The following FH variants were observed in gnomAD, a reference collection of about 807,000 sequenced individuals.
The protein encoded by FH is fumarate hydratase, mitochondrial.
In FH, 22 loss-of-function variants were observed where a neutral mutation model predicts 49.4. The ratio of observed to expected loss-of-function variants is 0.45; its 90% CI spans 0.32 to 0.64. FH has a LOEUF of 0.64. Ranked by LOEUF, FH falls within the 30% of genes least tolerant of loss-of-function variation. The probability of loss-of-function intolerance (pLI) is 0.05; values close to 1 mark genes in which losing one functional copy is unlikely to be tolerated. For missense variants in FH, 526 were observed against 641.5 expected (o/e 0.82, Z 1.95); for synonymous variants, 208 against 223.0 (o/e 0.93, Z 0.60).
intron 7 of FH, among the ~76,000 whole-genome samples, chr1:241,502,998 T>A (rs894258453): frequency 6.6e-5 from 10 of 152,134 alleles, no homozygotes; most frequent in African/African-American, 2.4e-4. Context: ...CACTAACACA[T>A]GGGAGGCTTC....
At chr1:241,513,494 C>T in intron 3 of FH, 109 bp downstream of exon 3, 1 of 874,832 alleles carries the variant, frequency 1.1e-6, no homozygotes, top group Non-Finnish European at 2.0e-6. Context: ...CCCTGAAATT[C>T]ATTAATTCAA....
chr1:241,508,527 A>T, intron 5 of FH, 76 bp downstream of exon 5: 2 of 1,328,404 alleles, frequency 1.5e-6, no homozygotes, highest in Non-Finnish European at 2.2e-6. Flanking sequence ...CTTTTAAGCT[A>T]GTCAGATTTC....
At chr1:241,506,411 GT>G (rs1659931695) in intron 5 of FH, among the ~76,000 whole-genome samples, 1 of 152,096 alleles carries the variant, frequency 6.6e-6, no homozygotes. Flanking sequence ...TTATAATCTA[GT>G]CTTTTAATAG....
intron 4 of FH, among the ~76,000 whole-genome samples, chr1:241,509,196 T>A (rs1473461229): frequency 6.6e-6 from 1 of 151,690 alleles, no homozygotes; most frequent in Admixed American, 6.6e-5. Context: ...TAGTTGAATA[T>A]CTTATAATTA....
rs539449056 is a variant in FH at position 241,503,946 on chromosome 1, G to A, written c.1108+96C>T. On this transcript the variant is annotated intron_variant, in intron 7 of 9. Coordinates refer to ENST00000366560, the MANE Select transcript of FH (RefSeq NM_000143.4). ...CAGTGCGCCTTGCGCATCCAGCTGC[G>A]GGATAACTTTAAACAAAGAGAGACA... 1.8e-5 allele frequency: 24 copies of A among 1,310,700 alleles called. No individual in the cohort carries two copies. The East Asian group carries it at 3.5e-4, about 19-fold the overall frequency. 81.2% of individuals were successfully genotyped at this position (1,310,700 alleles called of 1,614,324 possible). A position where few individuals can be genotyped will look rare whatever the true frequency, so the allele number is the denominator to read the frequency against.
At chr1:241,499,809 A>G (rs771337361) in intron 9 of FH, among the ~76,000 whole-genome samples, 4 of 152,234 alleles carry the variant, frequency 2.6e-5, no homozygotes, top group African/African-American at 4.8e-5. Context: ...AGTTTATTTA[A>G]TGGAGATCTC....
rs2147915063 is a variant in FH, at chr1:241,502,585, C to T, written c.1109-15G>A. The T allele has an allele frequency of 1.2e-6, 2 of 1,613,748 alleles. No individual in the cohort carries two copies. Among genetic ancestry groups the T allele is most frequent in the Non-Finnish European group, 1.7e-6 (2 of 1,179,796 alleles). On this transcript the variant is annotated splice_polypyrimidine_tract_variant and intron_variant, in intron 7 of 9. Coordinates refer to ENST00000366560, the MANE Select transcript of FH (RefSeq NM_000143.4). ...GTTCACCTTGCCTTCAAGAAAACCA[C>T]CAATGACAGAGTAAAGACTAAATTT...
intron 1 of FH, 61 bp from the exon 2 acceptor site, chr1:241,517,377 G>A (rs764991848): frequency 1.3e-4 from 208 of 1,574,040 alleles, no homozygotes; most frequent in Non-Finnish European, 1.7e-4. Context: ...AAAAGTAATC[G>A]CATCTTATCA....
intron 1 of FH, among the ~76,000 whole-genome samples, chr1:241,518,195 T>C (rs1228128998): frequency 6.6e-6 from 1 of 152,166 alleles, no homozygotes; most frequent in Admixed American, 6.5e-5. Context: ...AACAGAGATT[T>C]TGGACCTGAG....
chr1:241,517,360 C>G (rs1394070093), intron 1 of FH, 44 bp from the exon 2 acceptor site: 1 of 1,610,718 alleles, frequency 6.2e-7, no homozygotes, highest in Non-Finnish European at 8.5e-7. Context: ...AAAAGAAACC[C>G]AGGATCAAAA....
chr1:241,510,496 GAATA>G lies in FH; in HGVS notation c.555+1467_555+1470del, dbSNP rs372286398. Reference sequence around the variant, plus strand: ...TCCATACTGATATACCCAAATAACTGAATAAATAAATAAATGGGACAGAGAGAAC... The same window carrying G: ...TCCATACTGATATACCCAAATAACTGAATAAATAAATGGGACAGAGAGAAC... On this transcript the variant is annotated intron_variant, in intron 4 of 9. Coordinates refer to ENST00000366560, the MANE Select transcript of FH (RefSeq NM_000143.4). 3.0e-3 allele frequency among the ~76,000 whole-genome samples: 454 copies of G among 152,086 alleles called. 1 individual carries two copies. Among genetic ancestry groups the G allele is most frequent in the Non-Finnish European group, 5.7e-3 (386 of 67,968 alleles).
chr1:241,508,767 G>T lies in FH; in HGVS notation c.574C>A (p.Pro192Thr). The T allele has an allele frequency of 6.2e-7, 1 of 1,613,502 alleles. No individual in the cohort carries two copies. The highest frequency in any genetic ancestry group is 8.5e-7 in the Non-Finnish European group (1 of 1,179,630). Residue 192 changes from proline to threonine, a missense_variant, in exon 5 of 10, where the codon CCC (proline) becomes ACC (threonine). This residue lies in a region of FH where 383 missense variants were observed against 514.0 expected (regional missense o/e 0.75). Coordinates refer to ENST00000366560, the MANE Select transcript of FH (RefSeq NM_000143.4). ...GCAGCAGCAATGTGCATTGCTGTGGGAAAAGTATCATTTGAGCTCTGTTGG... is the reference window on the plus strand; with the variant it reads ...GCAGCAGCAATGTGCATTGCTGTGGTAAAAGTATCATTTGAGCTCTGTTGG... Reference protein sequence around the residue: ...NKSQSSNDTFPTAMHIAAAIE... With the variant: ...NKSQSSNDTFTTAMHIAAAIE...
chr1:241,510,513 G>A (rs991444127), intron 4 of FH, among the ~76,000 whole-genome samples: 33 of 151,936 alleles, frequency 2.2e-4, no homozygotes, highest in African/African-American at 8.0e-4. Context: ...TAAATAAATG[G>A]GACAGAGAGA....
chr1:241,508,502 G>A (rs961667793), intron 5 of FH, 101 bp downstream of exon 5: 13 of 930,370 alleles, frequency 1.4e-5, no homozygotes, highest in Admixed American at 8.7e-5. Context: ...TGAAGTTTCC[G>A]GTTACAAATT....
chr1:241,510,036 C>T (rs80169183), intron 4 of FH, among the ~76,000 whole-genome samples: 1 of 152,242 alleles, frequency 6.6e-6, no homozygotes, highest in East Asian at 1.9e-4. Context: ...ATAACTCTAC[C>T]TTTCTGAGGC....
chr1:241,510,686 T>C (rs569916157), intron 4 of FH, among the ~76,000 whole-genome samples: 29 of 152,338 alleles, frequency 1.9e-4, no homozygotes, highest in African/African-American at 7.0e-4. Context: ...GATGTTTGCC[T>C]AGCCTCAAGG....
chr1:241,507,938 C>T (rs1659970561), intron 5 of FH, among the ~76,000 whole-genome samples: 1 of 152,120 alleles, frequency 6.6e-6, no homozygotes, highest in African/African-American at 2.4e-5. Flanking sequence ...CTTACATTTC[C>T]TTCACAATGT....
intron 2 of FH, 23 bp downstream of exon 2, chr1:241,517,159 A>G: frequency 6.2e-7 from 1 of 1,614,106 alleles, no homozygotes; most frequent in Non-Finnish European, 8.5e-7. Context: ...AAAATAGCCA[A>G]CATTTCCACA....
intron 2 of FH, among the ~76,000 whole-genome samples, chr1:241,516,788 G>A (rs750893118): frequency 1.3e-5 from 2 of 151,878 alleles, no homozygotes; most frequent in African/African-American, 4.8e-5. Context: ...GAGTAATTGG[G>A]ACTACAGGCG....
Sources: gnomAD v4.1 joint callset for allele counts (sites outside exome capture counted in the v4.1 genomes callset) on GRCh38, gnomAD v4.1.1 for gene constraint, gnomAD v4.1.1 regional missense constraint, MANE v1.5 for transcripts, NCBI Gene and HGNC (gene_info 2026-07-23, HGNC 2026-07-21) for gene names.